Variants in PDE4D observed in about 807,000 individuals in gnomAD.
PDE4D encodes 3',5'-cyclic-AMP phosphodiesterase 4D.
In PDE4D, 24 loss-of-function variants were observed where a neutral mutation model predicts 87.4. That is an observed-to-expected ratio of 0.27 (90% CI 0.20 to 0.39). PDE4D has a LOEUF of 0.39. Among genes scored for constraint, PDE4D ranks in the 10% least tolerant of loss-of-function variants. The probability of loss-of-function intolerance (pLI) is 1.00; values close to 1 mark genes in which losing one functional copy is unlikely to be tolerated. For missense variants in PDE4D, 714 were observed against 1,041.0 expected, an observed-to-expected ratio of 0.69 and a Z score of 4.32; for synonymous variants, 384 against 383.2, an observed-to-expected ratio of 1.00 and a Z score of -0.02.
intron 2 of PDE4D, among the ~76,000 whole-genome samples, chr5:60,065,770 T>C (rs909168689): frequency 2.6e-5 from 4 of 152,152 alleles, no homozygotes; most frequent in Non-Finnish European, 5.9e-5. Flanking sequence ...GAACTCATCA[T>C]GTTTTATGGC....
chr5:59,841,344 C>G (rs1325512941), intron 1 of PDE4D, among the ~76,000 whole-genome samples: 1 of 152,070 alleles, frequency 6.6e-6, no homozygotes, highest in Non-Finnish European at 1.5e-5. Context: ...CAGCATCTGA[C>G]TCCTTTTAGA....
Position 59,863,842 on chromosome 5 carries a change from C to T in PDE4D, c.455+29326G>A, listed in dbSNP as rs550759810. Among the ~76,000 whole-genome samples the T allele has an allele frequency of 1.2e-4, 19 of 152,118 alleles. No individual in the cohort carries two copies. In the South Asian group the frequency reaches 3.9e-3, roughly 32 times the overall value. ...TGACGAGGGGAGCCCTTTTGCCAGT[C>T]CTGAAAAATCTCCATTGTTTTAAAA... On this transcript the variant is annotated intron_variant, in intron 1 of 14. Coordinates refer to ENST00000340635, the MANE Select transcript of PDE4D (RefSeq NM_001104631.2).
intron 2 of PDE4D, among the ~76,000 whole-genome samples, chr5:60,045,521 T>C (rs576071031): frequency 6.6e-6 from 1 of 152,280 alleles, no homozygotes; most frequent in Admixed American, 6.5e-5. Context: ...CTTTAATCCA[T>C]CTTGAATTGA....
intron 1 of PDE4D, among the ~76,000 whole-genome samples, chr5:59,855,888 T>C (rs534595024): frequency 7.9e-5 from 12 of 152,320 alleles, no homozygotes; most frequent in African/African-American, 2.6e-4. Flanking sequence ...TATTCTACGA[T>C]ATTGCCCTTG....
At chr5:59,259,085 TC>T (rs1281013022) in intron 1 of PDE4D, among the ~76,000 whole-genome samples, 4 of 151,906 alleles carry the variant, frequency 2.6e-5, no homozygotes, top group Non-Finnish European at 5.9e-5. Context: ...TCTCACATTC[TC>T]AAACAGTAAC....
chr5:59,611,316 C>T (rs557684481), intron 1 of PDE4D, among the ~76,000 whole-genome samples: 4 of 152,202 alleles, frequency 2.6e-5, no homozygotes, highest in African/African-American at 9.6e-5. Flanking sequence ...TGTAAGAACC[C>T]TGCCCTCATG....
chr5:59,807,598 G>A (rs1767883229), intron 1 of PDE4D, among the ~76,000 whole-genome samples: 1 of 152,158 alleles, frequency 6.6e-6, no homozygotes, highest in Non-Finnish European at 1.5e-5. Context: ...TGAGGGATTG[G>A]AATTGCTGAA....
intron 1 of PDE4D, among the ~76,000 whole-genome samples, chr5:60,279,133 A>G (rs1751646549): frequency 6.6e-6 from 1 of 152,140 alleles, no homozygotes; most frequent in Non-Finnish European, 1.5e-5. Flanking sequence ...GCATCTTAGG[A>G]AGAGGCTCCT....
In PDE4D at chr5:59,489,621, G is replaced by A. The variant is rs116764588; in HGVS notation, c.456-273653C>T. Among the ~76,000 whole-genome samples the A allele has an allele frequency of 5.6e-3, 859 of 152,214 alleles. 7 individuals carry two copies. Among genetic ancestry groups the A allele is most frequent in the African/African-American group, 0.02 (832 of 41,524 alleles). On this transcript the variant is annotated intron_variant, in intron 1 of 14. Transcript: ENST00000340635. Reference sequence around the variant, plus strand: ...TTTCAGTATTCTTATTGTCTTTATGGCTTCAATGCTCTCAACATTTGAATT... The same window carrying A: ...TTTCAGTATTCTTATTGTCTTTATGACTTCAATGCTCTCAACATTTGAATT...
chr5:60,372,923 G>T (rs925250959), intron 1 of PDE4D, among the ~76,000 whole-genome samples: 1 of 151,948 alleles, frequency 6.6e-6, no homozygotes, highest in Admixed American at 6.6e-5. Context: ...CTCCTCCTTT[G>T]CCTTAGAGGC....
At chr5:59,518,912 C>A (rs369109705) in intron 1 of PDE4D, among the ~76,000 whole-genome samples, 13 of 152,282 alleles carry the variant, frequency 8.5e-5, no homozygotes, top group African/African-American at 3.1e-4. Context: ...AACAGAACAA[C>A]CTTATTAGTT....
rs377125030 is a variant in PDE4D at position 60,031,519 on chromosome 5, A to G, written c.43-42802T>C. On this transcript the variant is annotated intron_variant, in intron 2 of 16. Transcript: ENST00000502484. ...AGCAGCGGGGAGGAGCCTGGGGATA[A>G]TTTCCATGTATAGCCTCCCTTTAAA... Among the ~76,000 whole-genome samples the G allele has an allele frequency of 9.2e-5, 14 of 152,324 alleles. No homozygotes were observed. The South Asian group carries it at 2.9e-3, about 32-fold the overall frequency.
intron 1 of PDE4D, among the ~76,000 whole-genome samples, chr5:60,217,795 G>T (rs1744033163): frequency 6.6e-6 from 1 of 151,788 alleles, no homozygotes. Flanking sequence ...ATATGAAAAG[G>T]CATAGGATAT....
intron 5 of PDE4D, among the ~76,000 whole-genome samples, chr5:59,066,987 GATTTATTTATTTATTTATTTATTT>G (rs75735314): frequency 3.5e-5 from 5 of 141,212 alleles, no homozygotes; most frequent in Admixed American, 7.1e-5. Context: ...CCCAGCTCGT[GATTTATTTATTTATTTATTTATTT>G]ATTTATTTAT....
rs1249867223 is a variant in PDE4D at position 59,215,841 on chromosome 5, A to G, written c.583T>C (p.Ser195Pro). The G allele has an allele frequency of 6.2e-7, 1 of 1,613,566 alleles. No individual in the cohort carries two copies. Among genetic ancestry groups the G allele is most frequent in the African/African-American group, 1.3e-5 (1 of 74,860 alleles). ...GGAGAGAGGTCATAATCGCTGTCGGATCGATACAGGAAGGACTCCCGTCGT... is the reference window on the plus strand; with the variant it reads ...GGAGAGAGGTCATAATCGCTGTCGGGTCGATACAGGAAGGACTCCCGTCGT... The part of the protein sequence containing the change: ...SQRRESFLYR[S>P]DSDYDLSPKS... The change falls in exon 2 of 15, where the codon TCC (serine) becomes CCC (proline). Residue 195 changes from serine to proline, a missense_variant. By Grantham distance (74) the Ser-to-Pro change is moderately conservative. Transcript: ENST00000340635.
At chr5:60,256,795 G>A (rs1749100823) in intron 1 of PDE4D, among the ~76,000 whole-genome samples, 1 of 151,910 alleles carries the variant, frequency 6.6e-6, no homozygotes, top group South Asian at 2.1e-4. Flanking sequence ...AAACAAGAAT[G>A]GGTTTGCTTC....
rs770734079 is a variant in PDE4D at position 58,975,097 on chromosome 5, T to A, written c.2014-17A>T. 4.8e-6 allele frequency: 7 copies of A among 1,445,496 alleles called. No individual in the cohort carries two copies. In the East Asian group the frequency reaches 1.6e-4, roughly 34 times the overall value. 89.5% of individuals were successfully genotyped at this position (1,445,496 alleles called of 1,614,324 possible). On this transcript the variant is annotated splice_polypyrimidine_tract_variant and intron_variant, in intron 14 of 14. Transcript: ENST00000340635. This position sits in a 1 kb window ranked among gnomAD's most constrained non-coding sequence, Gnocchi z 4.2. ...GAAGCCCACCTAGTTAAGAAAAAAA[T>A]CCAGTATGAGTAGAGGACTTGGGAC... is the stretch of plus-strand genomic sequence containing the variant.
chr5:60,503,601 A>G (rs1750195001), intron 1 of PDE4D, among the ~76,000 whole-genome samples: 1 of 152,094 alleles, frequency 6.6e-6, no homozygotes, highest in Non-Finnish European at 1.5e-5. Context: ...AGGTTGTTGT[A>G]TCTTTATTAC....
chr5:59,788,570 G>T (rs765640349), intron 1 of PDE4D, among the ~76,000 whole-genome samples: 8 of 152,224 alleles, frequency 5.3e-5, no homozygotes, highest in Non-Finnish European at 1.0e-4. Context: ...CCTTGTGATA[G>T]CTGCTTGACT....
Sources: gnomAD v4.1 joint callset for allele counts (sites outside exome capture counted in the v4.1 genomes callset) on GRCh38, gnomAD v4.1.1 for gene constraint, Gnocchi (gnomAD v3.1) non-coding constraint, MANE v1.5 for transcripts, NCBI Gene and HGNC (gene_info 2026-07-23, HGNC 2026-07-21) for gene names.